CCDC38: variants seen among roughly 807,000 people sequenced by gnomAD.
CCDC38 encodes the protein coiled-coil domain containing 38, also known as coiled-coil domain-containing protein 38.
A neutral mutation model predicts 72.8 loss-of-function variants in CCDC38; 69 were observed. That is an observed-to-expected ratio of 0.95 (90% CI 0.78 to 1.16). The LOEUF (loss-of-function observed/expected upper bound fraction) is 1.16. Ranked by LOEUF, CCDC38 falls within the 50% of genes most tolerant of loss-of-function variation. The pLI, the probability that CCDC38 is intolerant of heterozygous loss-of-function variation, is 0.00. For missense variants in CCDC38, 626 were observed against 638.9 expected (o/e 0.98, Z 0.22); for synonymous variants, 201 against 213.2 (o/e 0.94, Z 0.50).
chr12:95,882,402 T>C (rs1389856461), intron 10 of CCDC38, among the ~76,000 whole-genome samples: 1 of 151,900 alleles, frequency 6.6e-6, no homozygotes, highest in Admixed American at 6.6e-5. Context: ...CCTGGAAAAA[T>C]GGAGGTAGCA....
chr12:95,906,537 T>C (rs1009549379), intron 4 of CCDC38, 86 bp from the exon 5 acceptor site: 1 of 919,896 alleles, frequency 1.1e-6, no homozygotes, highest in African/African-American at 1.7e-5. Flanking sequence ...ATTAAATTAT[T>C]CTACAGTATG....
intron 15 of CCDC38, among the ~76,000 whole-genome samples, chr12:95,868,864 A>G (rs2079551290): frequency 6.6e-6 from 1 of 152,140 alleles, no homozygotes; most frequent in South Asian, 2.1e-4. Flanking sequence ...TTGTGCTGCT[A>G]AGTCAAAGTG....
chr12:95,878,403 ATCAG>A, intron 12 of CCDC38, 57 bp from the exon 13 acceptor site: 2 of 1,543,216 alleles, frequency 1.3e-6, no homozygotes, highest in South Asian at 1.1e-5. Flanking sequence ...TGAAATAACC[ATCAG>A]TCAGGAGCTT....
intron 2 of CCDC38, among the ~76,000 whole-genome samples, chr12:95,930,479 A>C (rs1431461100): frequency 2.0e-5 from 3 of 152,086 alleles, no homozygotes; most frequent in African/African-American, 7.2e-5. Context: ...TCCATTCTTC[A>C]CATGACCTTC....
Position 95,867,146 on chromosome 12 carries a change from T to G in CCDC38, c.1622A>C (p.Asn541Thr). The G allele has an allele frequency of 6.2e-7, 1 of 1,609,594 alleles. No homozygotes were observed. Among genetic ancestry groups the G allele is most frequent in the Non-Finnish European group, 8.5e-7 (1 of 1,177,556 alleles). ...LVFHSKPPSG[N>T]KQQLPLVNET... ...ATTGACTAAAGGTAGCTGCTGTTTG[T>G]TACCAGATGGAGGTTTTGAATGAAA... The change falls in exon 16 of 16, where the codon AAC becomes ACC. Residue 541 changes from asparagine (N) to threonine (T), a missense_variant. By Grantham distance (65) the Asn-to-Thr change is moderately conservative. Coordinates refer to ENST00000344280, the MANE Select transcript of CCDC38 (RefSeq NM_182496.3).
chr12:95,881,345 A>T, intron 11 of CCDC38, 140 bp downstream of exon 11: 1 of 549,408 alleles, frequency 1.8e-6, no homozygotes, highest in Non-Finnish European at 3.2e-6. Context: ...ATCCAATTGG[A>T]GAATAGTATC....
At chr12:95,871,696 A>G (rs2121409367) in intron 14 of CCDC38, among the ~76,000 whole-genome samples, 1 of 152,220 alleles carries the variant, frequency 6.6e-6, no homozygotes, top group East Asian at 1.9e-4. Flanking sequence ...AATGTTGTGT[A>G]CATGTTGGCA....
intron 7 of CCDC38, among the ~76,000 whole-genome samples, chr12:95,896,868 C>A (rs1592773552): frequency 6.6e-6 from 1 of 152,192 alleles, no homozygotes; most frequent in African/African-American, 2.4e-5. Flanking sequence ...TCAGCAAGAC[C>A]ATTTGGAGGG....
intron 2 of CCDC38, among the ~76,000 whole-genome samples, chr12:95,930,881 T>C (rs975625617): frequency 6.6e-6 from 1 of 152,210 alleles, no homozygotes. Flanking sequence ...AGCTGAATCC[T>C]GGCTACTCTA....
chr12:95,869,731 T>G, intron 14 of CCDC38, 158 bp from the exon 15 acceptor site: 2 of 571,974 alleles, frequency 3.5e-6, no homozygotes, highest in Non-Finnish European at 6.1e-6. Context: ...CTTTTGAATA[T>G]TCAGGTAAAT....
intron 10 of CCDC38, among the ~76,000 whole-genome samples, chr12:95,886,297 C>A (rs1306732995): frequency 6.6e-6 from 1 of 152,082 alleles, no homozygotes; most frequent in Non-Finnish European, 1.5e-5. Flanking sequence ...TAAACCTCAC[C>A]CCTTATACAA....
intron 2 of CCDC38, among the ~76,000 whole-genome samples, chr12:95,929,281 G>T (rs1034146136): frequency 3.9e-5 from 6 of 152,146 alleles, no homozygotes; most frequent in Non-Finnish European, 2.9e-5. Flanking sequence ...CGCAGTATTC[G>T]GGTGGGAGTG....
At chr12:95,889,885 A>G (rs554823087) in intron 9 of CCDC38, among the ~76,000 whole-genome samples, 1 of 150,330 alleles carries the variant, frequency 6.7e-6, no homozygotes, top group South Asian at 2.2e-4. Flanking sequence ...TTCATGACAT[A>G]TGCTTATTTT....
intron 2 of CCDC38, among the ~76,000 whole-genome samples, chr12:95,932,559 T>C (rs912132671): frequency 6.6e-6 from 1 of 152,180 alleles, no homozygotes; most frequent in South Asian, 2.1e-4. Context: ...TAGGTTAGTA[T>C]ATAAAAGGCA....
At chr12:95,897,508 G>A (rs999278243) in intron 7 of CCDC38, among the ~76,000 whole-genome samples, 2 of 150,820 alleles carry the variant, frequency 1.3e-5, no homozygotes, top group Non-Finnish European at 2.9e-5. Flanking sequence ...TACTCAAGTG[G>A]CTGAGGCAGG....
intron 4 of CCDC38, among the ~76,000 whole-genome samples, chr12:95,914,603 C>G (rs1045300872): frequency 2.6e-5 from 4 of 152,228 alleles, no homozygotes; most frequent in Non-Finnish European, 4.4e-5. Context: ...AAACCACCAT[C>G]ACCCCTAACA....
chr12:95,939,759 C>T (rs1380228962), intron 1 of CCDC38, among the ~76,000 whole-genome samples: 1 of 152,082 alleles, frequency 6.6e-6, no homozygotes, highest in Admixed American at 6.5e-5. Flanking sequence ...AAGTGAACCC[C>T]ATGCTGGTTG....
At chr12:95,900,650 A>AT (rs1433825435) in intron 5 of CCDC38, among the ~76,000 whole-genome samples, 1 of 152,150 alleles carries the variant, frequency 6.6e-6, no homozygotes, top group Non-Finnish European at 1.5e-5. Flanking sequence ...CACCTGTGCA[A>AT]TTGTCATTAG....
chr12:95,914,625 T>C lies in CCDC38; in HGVS notation c.304+2504A>G, dbSNP rs192128876. ...CATCACCCCTAACAAAATGAACTAT[T>C]CCTTAGTGTCGTTTTACACACAGTC... On this transcript the variant is annotated intron_variant, in intron 4 of 15. Coordinates refer to ENST00000344280, the MANE Select transcript of CCDC38 (RefSeq NM_182496.3). Among the ~76,000 whole-genome samples, 5 of 152,310 alleles carry C rather than the reference T, an allele frequency of 3.3e-5. No homozygotes were observed. The East Asian group carries it at 7.7e-4, about 23-fold the overall frequency.
Sources: gnomAD v4.1 joint callset for allele counts (sites outside exome capture counted in the v4.1 genomes callset) on GRCh38, gnomAD v4.1.1 for gene constraint, MANE v1.5 for transcripts, NCBI Gene and HGNC (gene_info 2026-07-23, HGNC 2026-07-21) for gene names.